Variants in IL1RAPL1 observed in about 807,000 individuals in gnomAD.
IL1RAPL1 encodes interleukin-1 receptor accessory protein-like 1.
Under a neutral mutation model 48.4 loss-of-function variants are expected in IL1RAPL1, and 3 were observed. The observed-to-expected ratio is 0.06, with a 90% CI of 0.03 to 0.16. IL1RAPL1 has a LOEUF of 0.16. IL1RAPL1 is among the 10% of genes least tolerant of loss of function. The probability of loss-of-function intolerance (pLI) is 1.00; values close to 1 mark genes in which losing one functional copy is unlikely to be tolerated. For synonymous variants in IL1RAPL1, 185 were observed against 187.7 expected (o/e 0.99, Z 0.12); for missense variants, 349 against 530.6 (o/e 0.66, Z 3.36).
At chrX:29,008,335 T>C (rs996319966) in intron 2 of IL1RAPL1, among the ~76,000 whole-genome samples, 29 of 99,726 alleles carry the variant, frequency 2.9e-4, no homozygotes, top group Admixed American at 2.5e-3. Flanking sequence ...CCACCACGCT[T>C]GGCTATTTTT....
intron 2 of IL1RAPL1, among the ~76,000 whole-genome samples, chrX:29,009,217 G>A (rs1926064668): frequency 9.0e-6 from 1 of 111,584 alleles, no homozygotes; most frequent in Non-Finnish European, 1.9e-5. Flanking sequence ...GTGGTAGGAG[G>A]ATGAGAGTAA....
intron 1 of IL1RAPL1, among the ~76,000 whole-genome samples, chrX:28,736,830 T>A (rs952865327): frequency 8.9e-6 from 1 of 112,229 alleles, no homozygotes; most frequent in Admixed American, 9.4e-5. Flanking sequence ...TTTTCACTAT[T>A]TTTTTTCCTT....
At chrX:29,486,748 T>C (rs1400506535) in intron 5 of IL1RAPL1, among the ~76,000 whole-genome samples, 1 of 110,860 alleles carries the variant, frequency 9.0e-6, no homozygotes, top group Non-Finnish European at 1.9e-5. Context: ...AGCTTTTTAT[T>C]TGTTTGTGGT....
intron 6 of IL1RAPL1, among the ~76,000 whole-genome samples, chrX:29,914,377 A>G (rs990875315): frequency 1.8e-5 from 2 of 111,916 alleles, no homozygotes; most frequent in African/African-American, 6.5e-5. Flanking sequence ...GAGGAGGTCA[A>G]TCGGCCTCTC....
At chrX:29,723,455 G>T (rs1399908908) in intron 6 of IL1RAPL1, among the ~76,000 whole-genome samples, 1 of 111,767 alleles carries the variant, frequency 8.9e-6, no homozygotes, top group East Asian at 2.8e-4. Context: ...CGCCATGTTG[G>T]CCAGGCTGGT....
At chrX:29,274,953 C>T (rs1211235234) in intron 2 of IL1RAPL1, among the ~76,000 whole-genome samples, 1 of 110,433 alleles carries the variant, frequency 9.1e-6, no homozygotes, top group Non-Finnish European at 1.9e-5. Flanking sequence ...CTTGTCATAT[C>T]CTTTGCTACT....
chrX:29,352,158 A>T lies in IL1RAPL1; in HGVS notation c.363-44100A>T, dbSNP rs141032219. 4.3e-3 allele frequency among the ~76,000 whole-genome samples: 483 copies of T among 112,113 alleles called. 3 individuals are homozygous for T. The highest frequency in any genetic ancestry group is 0.015 in the African/African-American group (464 of 30,923). ...CTACTTGTTTTAAAATTGCTGGCTG[A>T]TAACTCCAATATTCATAGTTTCACC... On this transcript the variant is annotated intron_variant, in intron 3 of 10. Coordinates refer to ENST00000378993, the MANE Select transcript of IL1RAPL1 (RefSeq NM_014271.4).
chrX:29,525,134 C>T (rs1193226034), intron 5 of IL1RAPL1, among the ~76,000 whole-genome samples: 1 of 111,999 alleles, frequency 8.9e-6, no homozygotes, highest in African/African-American at 3.2e-5. Context: ...ACTTGAAGTT[C>T]CCATTTTAGA....
At chrX:29,398,321 A>G (rs1167461694) in intron 4 of IL1RAPL1, among the ~76,000 whole-genome samples, 4 of 112,335 alleles carry the variant, frequency 3.6e-5, no homozygotes, top group African/African-American at 1.3e-4. Context: ...ATTTGGCAAT[A>G]CAATTTTTTA....
chrX:29,238,690 C>T (rs1167145353), intron 2 of IL1RAPL1, among the ~76,000 whole-genome samples: 1 of 112,002 alleles, frequency 8.9e-6, no homozygotes, highest in Non-Finnish European at 1.9e-5. Context: ...ATTTGGTCAT[C>T]CATTATGTTT....
At chrX:28,865,450 A>G (rs766441983) in intron 2 of IL1RAPL1, among the ~76,000 whole-genome samples, 4 of 110,210 alleles carry the variant, frequency 3.6e-5, no homozygotes, top group African/African-American at 9.9e-5. Context: ...AAAAAAAAAA[A>G]AAAATTAAGA....
At chrX:28,687,053 CTT>C (rs1280025681) in intron 1 of IL1RAPL1, among the ~76,000 whole-genome samples, 14 of 111,639 alleles carry the variant, frequency 1.3e-4, no homozygotes, top group African/African-American at 3.6e-4. Flanking sequence ...TATTAATACT[CTT>C]TTAAATTTTA....
intron 2 of IL1RAPL1, among the ~76,000 whole-genome samples, chrX:28,815,039 A>C (rs1185568195): frequency 9.1e-6 from 1 of 110,466 alleles, no homozygotes; most frequent in Admixed American, 9.7e-5. Flanking sequence ...ATATTTACCT[A>C]ATACATTGTT....
intron 2 of IL1RAPL1, among the ~76,000 whole-genome samples, chrX:29,219,911 C>T (rs767680781): frequency 6.5e-5 from 7 of 108,259 alleles, no homozygotes; most frequent in South Asian, 4.0e-4. Flanking sequence ...CATTGTAGCT[C>T]GAAGGCCACC....
intron 3 of IL1RAPL1, among the ~76,000 whole-genome samples, chrX:29,293,266 T>C (rs926531000): frequency 9.1e-6 from 1 of 110,341 alleles, no homozygotes. Context: ...ATACATGTCT[T>C]CAACAAAACA....
chrX:29,696,504 G>A (rs958373525), intron 6 of IL1RAPL1, among the ~76,000 whole-genome samples: 5 of 111,526 alleles, frequency 4.5e-5, no homozygotes, highest in African/African-American at 6.5e-5. Context: ...ATAACAGCTC[G>A]GCAGACAGGT....
intron 2 of IL1RAPL1, among the ~76,000 whole-genome samples, chrX:28,902,955 T>A (rs752143334): frequency 3.0e-4 from 33 of 111,507 alleles, no homozygotes; most frequent in African/African-American, 1.0e-3. Flanking sequence ...AACAGTTTCA[T>A]CCTGAAACCC....
At chrX:29,803,821 C>T (rs1426139130) in intron 6 of IL1RAPL1, among the ~76,000 whole-genome samples, 5 of 109,909 alleles carry the variant, frequency 4.5e-5, no homozygotes, top group African/African-American at 9.9e-5. Context: ...AAGTCAACAA[C>T]AAGTAGCATT....
chrX:29,199,127 G>T (rs1165413990), intron 2 of IL1RAPL1, among the ~76,000 whole-genome samples: 4 of 111,778 alleles, frequency 3.6e-5, no homozygotes, highest in Non-Finnish European at 7.5e-5. Flanking sequence ...TAATTTGACT[G>T]TTATTCATGA....
Sources: gnomAD v4.1 joint callset for allele counts (sites outside exome capture counted in the v4.1 genomes callset) on GRCh38, gnomAD v4.1.1 for gene constraint, MANE v1.5 for transcripts, NCBI Gene and HGNC (gene_info 2026-07-23, HGNC 2026-07-21) for gene names.